The following CAMK4 variants were observed in gnomAD, a reference collection of about 807,000 sequenced individuals.
CAMK4 encodes the protein calcium/calmodulin-dependent protein kinase type IV.
CAMK4 carries 22 observed loss-of-function variants against 44.9 expected under a neutral mutation model. That is an observed-to-expected ratio of 0.49 (90% CI 0.35 to 0.70). The LOEUF (loss-of-function observed/expected upper bound fraction) is 0.70. Ranked by LOEUF, CAMK4 falls within the 30% of genes least tolerant of loss-of-function variation. The pLI, the probability that CAMK4 is intolerant of heterozygous loss-of-function variation, is 0.01. For synonymous variants in CAMK4, 218 were observed against 215.4 expected (o/e 1.01, Z -0.11); for missense variants, 498 against 586.8 (o/e 0.85, Z 1.56).
chr5:111,249,896 G>A (rs1298532547), intron 1 of CAMK4, among the ~76,000 whole-genome samples: 1 of 152,028 alleles, frequency 6.6e-6, no homozygotes, highest in Non-Finnish European at 1.5e-5. Flanking sequence ...AGGAGCAGCT[G>A]ATATTTAACA....
intron 7 of CAMK4, among the ~76,000 whole-genome samples, chr5:111,472,446 A>G (rs1011417311): frequency 1.3e-5 from 2 of 152,246 alleles, no homozygotes; most frequent in East Asian, 1.9e-4. Flanking sequence ...CTATTTCTCC[A>G]TAGATGGTGG....
At chr5:111,231,527 A>T (rs777515893) in intron 1 of CAMK4, among the ~76,000 whole-genome samples, 6 of 152,188 alleles carry the variant, frequency 3.9e-5, no homozygotes, top group Non-Finnish European at 8.8e-5. Flanking sequence ...CTAGTGTTTT[A>T]CACATTTTCT....
chr5:111,456,272 C>A (rs542988752), intron 7 of CAMK4, among the ~76,000 whole-genome samples: 4 of 151,980 alleles, frequency 2.6e-5, no homozygotes, highest in African/African-American at 4.8e-5. Context: ...GAGGCCGAGG[C>A]GGGTGGATCA....
At chr5:111,443,006 G>A (rs1301558925) in intron 5 of CAMK4, among the ~76,000 whole-genome samples, 1 of 149,304 alleles carries the variant, frequency 6.7e-6, no homozygotes, top group Non-Finnish European at 1.5e-5. Flanking sequence ...AAGGGTTACT[G>A]AGACCAAAAA....
intron 1 of CAMK4, among the ~76,000 whole-genome samples, chr5:111,235,244 T>C (rs1748661357): frequency 6.6e-6 from 1 of 152,132 alleles, no homozygotes; most frequent in African/African-American, 2.4e-5. Flanking sequence ...CTAAGATTAG[T>C]GTTTACCTGG....
At position 111,486,441 on chromosome 5, in the gene CAMK4, CA is replaced by C. The variant is rs1340085463; in HGVS notation, c.*1976del. The C allele has an allele frequency of 6.6e-6, 1 of 150,526 alleles. No individual in the cohort carries two copies. Among genetic ancestry groups the C allele is most frequent in the African/African-American group, 2.4e-5 (1 of 40,952 alleles). 9.3% of individuals were successfully genotyped at this position (150,526 alleles called of 1,614,324 possible). On this transcript the variant is annotated 3_prime_UTR_variant, in exon 11 of 11. Transcript: ENST00000282356. ...CTTTAAGAATGTCTTCTTTGTTAAG[CA>C]TTAAGATTTCCATTTAAGAGGATCA...
At chr5:111,390,319 A>G (rs1045510062) in intron 4 of CAMK4, among the ~76,000 whole-genome samples, 6 of 152,130 alleles carry the variant, frequency 3.9e-5, no homozygotes, top group African/African-American at 1.4e-4. Context: ...TAAAAACTAT[A>G]ATCATTGAGG....
At chr5:111,336,063 C>A (rs973057374) in intron 1 of CAMK4, among the ~76,000 whole-genome samples, 3 of 151,214 alleles carry the variant, frequency 2.0e-5, no homozygotes, top group African/African-American at 7.3e-5. Flanking sequence ...AGAAATCAGG[C>A]TCAAAGTATT....
At chr5:111,261,684 A>G (rs1650794) in intron 1 of CAMK4, among the ~76,000 whole-genome samples, 30,255 of 151,684 alleles carry the variant, frequency 0.2, 3,821 homozygotes, top group Non-Finnish European at 0.28. Flanking sequence ...AATGCCCTCC[A>G]TCCCTACTTC....
At chr5:111,470,476 A>C (rs553040249) in intron 7 of CAMK4, among the ~76,000 whole-genome samples, 2 of 152,310 alleles carry the variant, frequency 1.3e-5, no homozygotes, top group African/African-American at 4.8e-5. Flanking sequence ...GGAGCACTTC[A>C]AAAAGTTTGT....
At chr5:111,338,558 G>T (rs1399118038) in intron 1 of CAMK4, among the ~76,000 whole-genome samples, 1 of 151,358 alleles carries the variant, frequency 6.6e-6, no homozygotes, top group Non-Finnish European at 1.5e-5. Context: ...TGTCCAGAAA[G>T]GTGGTTCCTT....
chr5:111,276,958 T>C (rs1227540075), intron 1 of CAMK4, among the ~76,000 whole-genome samples: 1 of 152,200 alleles, frequency 6.6e-6, no homozygotes. Flanking sequence ...CAATTTGATC[T>C]TAAAATTGCT....
chr5:111,417,186 G>C (rs2112907933), intron 5 of CAMK4, among the ~76,000 whole-genome samples: 1 of 151,690 alleles, frequency 6.6e-6, no homozygotes, highest in South Asian at 2.1e-4. Context: ...TCTGCCTCCT[G>C]AGTGGCTGAG....
At chr5:111,325,891 G>T (rs1318663477) in intron 1 of CAMK4, among the ~76,000 whole-genome samples, 1 of 152,030 alleles carries the variant, frequency 6.6e-6, no homozygotes, top group Non-Finnish European at 1.5e-5. Flanking sequence ...AATTAAAGGA[G>T]ATCTGGTAAA....
intron 7 of CAMK4, among the ~76,000 whole-genome samples, chr5:111,459,223 T>G (rs1446048547): frequency 6.6e-6 from 1 of 152,174 alleles, no homozygotes; most frequent in African/African-American, 2.4e-5. Context: ...ACATTTATTA[T>G]TTACAGAAAT....
rs1436134833 is a variant in CAMK4, at chr5:111,486,273, C to T, written c.*1807C>T. 1 of 151,932 alleles carries T rather than the reference C, an allele frequency of 6.6e-6. No homozygotes were observed. Among genetic ancestry groups the T allele is most frequent in the Non-Finnish European group, 1.5e-5 (1 of 67,994 alleles). 9.4% of individuals were successfully genotyped at this position (151,932 alleles called of 1,614,324 possible). A position where few individuals can be genotyped will look rare whatever the true frequency, so the allele number is the denominator to read the frequency against. On this transcript the variant is annotated 3_prime_UTR_variant, in exon 11 of 11. Transcript: ENST00000282356. ...CCTGAAGAAGCACATCATCTGGGCT[C>T]AGAAGATTATTTTTTGTTTTGTTTT... is the stretch of plus-strand genomic sequence containing the variant.
chr5:111,398,599 G>T (rs560109676), intron 5 of CAMK4, among the ~76,000 whole-genome samples: 1 of 152,258 alleles, frequency 6.6e-6, no homozygotes, highest in African/African-American at 2.4e-5. Context: ...CATTTCGGCG[G>T]AAGCCCTACT....
chr5:111,339,174 G>T (rs1017238727), intron 1 of CAMK4, among the ~76,000 whole-genome samples: 5 of 151,274 alleles, frequency 3.3e-5, no homozygotes, highest in Admixed American at 1.3e-4. Context: ...CCATTCTGTA[G>T]GTTGTCTGTT....
rs114334143 is a variant in CAMK4 at position 111,432,375 on chromosome 5, G to A, written c.460-14311G>A. ...GGCTGGGAAGTGTAGTAGGGGGTTC[G>A]GGGAAGGTAGGGATGGTTAATGGGT... On this transcript the variant is annotated intron_variant, in intron 5 of 10. Coordinates refer to ENST00000282356, the MANE Select transcript of CAMK4 (RefSeq NM_001744.6). Among the ~76,000 whole-genome samples the A allele has an allele frequency of 9.9e-3, 1,507 of 151,934 alleles. 26 individuals carry two copies. Among genetic ancestry groups the A allele is most frequent in the African/African-American group, 0.035 (1,446 of 41,444 alleles).
Sources: allele counts gnomAD v4.1 joint callset (sites outside exome capture counted in the v4.1 genomes callset), GRCh38; gene constraint gnomAD v4.1.1; transcripts MANE v1.5; gene names NCBI Gene and HGNC (gene_info 2026-07-23, HGNC 2026-07-21).